Variants in UNC13C observed in about 807,000 individuals in gnomAD.
UNC13C encodes the protein protein unc-13 homolog C.
In UNC13C, 174 loss-of-function variants were observed where a neutral mutation model predicts 245.4. The ratio of observed to expected loss-of-function variants is 0.71; its 90% CI spans 0.63 to 0.80. The LOEUF (loss-of-function observed/expected upper bound fraction) is 0.80. UNC13C is among the 30% of genes least tolerant of loss of function. UNC13C has a pLI of 0.00. For missense variants in UNC13C, 2,829 were observed against 2,602.9 expected (o/e 1.09, Z -1.89); for synonymous variants, 992 against 895.1 (o/e 1.11, Z -1.93).
intron 10 of UNC13C, among the ~76,000 whole-genome samples, chr15:54,292,981 G>A (rs2037339750): frequency 6.7e-6 from 1 of 149,378 alleles, no homozygotes; most frequent in Admixed American, 6.7e-5. Flanking sequence ...TATATAATAT[G>A]TATATTCTCC....
chr15:54,273,516 T>C (rs1228674297), intron 10 of UNC13C, among the ~76,000 whole-genome samples: 5 of 152,172 alleles, frequency 3.3e-5, no homozygotes, highest in African/African-American at 1.2e-4. Context: ...GAAACCTATT[T>C]GGGTTTTTCA....
chr15:54,605,262 G>T (rs1000320503), intron 30 of UNC13C, among the ~76,000 whole-genome samples: 6 of 152,142 alleles, frequency 3.9e-5, no homozygotes, highest in African/African-American at 1.4e-4. Context: ...AGTTCTAAGA[G>T]GGGCCACAGT....
At chr15:53,976,477 CTTTTT>C (rs10682648), upstream of UNC13C, among the ~76,000 whole-genome samples, 1 of 63,024 alleles carries the variant, frequency 1.6e-5, no homozygotes, top group Non-Finnish European at 2.8e-5. Flanking sequence ...CTCTCTCTCT[CTTTTT>C]TTTTTTTTTT....
At chr15:53,932,311 T>A in the UNC13C span, among the ~76,000 whole-genome samples, 53,544 of 100,932 alleles carry the variant, frequency 0.53, 9,550 homozygotes, top group Non-Finnish European at 0.55. Context: ...ATCTCAAAAA[T>A]CAAAACAACA....
At chr15:54,102,607 C>G (rs564686744) in intron 2 of UNC13C, among the ~76,000 whole-genome samples, 1 of 152,258 alleles carries the variant, frequency 6.6e-6, no homozygotes, top group East Asian at 1.9e-4. Context: ...TAGTAAATAC[C>G]TTTTCTGTAT....
chr15:53,872,763 T>C, the UNC13C span, among the ~76,000 whole-genome samples: 2 of 152,162 alleles, frequency 1.3e-5, no homozygotes, highest in African/African-American at 4.8e-5. Flanking sequence ...AATTCAAGAT[T>C]CTTACAATCT....
chr15:53,853,036 A>G, the UNC13C span, among the ~76,000 whole-genome samples: 1 of 151,902 alleles, frequency 6.6e-6, no homozygotes, highest in Non-Finnish European at 1.5e-5. Context: ...TATTTTAAGT[A>G]CAATGGTACA....
In UNC13C at chr15:54,292,884, T is replaced by C. The variant is rs2037334194; in HGVS notation, c.3819-1011T>C. On this transcript the variant is annotated intron_variant, in intron 10 of 32. Coordinates refer to ENST00000260323, the MANE Select transcript of UNC13C (RefSeq NM_001080534.3). ...TATATTATAAAATATGTTTTATACA[T>C]ATATCTATATTAATTATAGATAATA... Among the ~76,000 whole-genome samples, 3 of 148,478 alleles carry C rather than the reference T, an allele frequency of 2.0e-5. No individual in the cohort carries two copies. The Admixed American group carries it at 2.0e-4, about 10-fold the overall frequency.
chr15:53,843,204 C>G, the UNC13C span, among the ~76,000 whole-genome samples: 1 of 151,944 alleles, frequency 6.6e-6, no homozygotes, highest in Admixed American at 6.6e-5. Context: ...TTTGGGAGGC[C>G]GAGACAGGCA....
At chr15:54,565,590 G>T (rs1272637395) in intron 29 of UNC13C, among the ~76,000 whole-genome samples, 1 of 151,992 alleles carries the variant, frequency 6.6e-6, no homozygotes, top group Admixed American at 6.6e-5. Context: ...CAATTAGTGA[G>T]AGAACCAGGT....
chr15:53,994,582 A>G (rs549031916), intron 1 of UNC13C, among the ~76,000 whole-genome samples: 70 of 152,180 alleles, frequency 4.6e-4, no homozygotes, highest in African/African-American at 1.5e-3. Flanking sequence ...GTAAGCATCT[A>G]TGTTCTAGTC....
intron 19 of UNC13C, among the ~76,000 whole-genome samples, chr15:54,468,409 C>T (rs1168223529): frequency 1.3e-5 from 2 of 151,632 alleles, no homozygotes; most frequent in Non-Finnish European, 3.0e-5. Flanking sequence ...CATGGGTTGT[C>T]TCTTCACTTT....
chr15:54,206,625 G>T (rs555168021), intron 4 of UNC13C, among the ~76,000 whole-genome samples: 1 of 152,182 alleles, frequency 6.6e-6, no homozygotes, highest in Admixed American at 6.6e-5. Flanking sequence ...CTAGGATCAG[G>T]TGAAGGAAAT....
At chr15:53,993,091 T>C (rs1455678141) in intron 1 of UNC13C, among the ~76,000 whole-genome samples, 1 of 152,062 alleles carries the variant, frequency 6.6e-6, no homozygotes, top group East Asian at 1.9e-4. Context: ...AGATAAAATA[T>C]CTTATCTGGA....
At chr15:54,004,663 C>A (rs1366940778) in intron 1 of UNC13C, among the ~76,000 whole-genome samples, 1 of 152,228 alleles carries the variant, frequency 6.6e-6, no homozygotes, top group African/African-American at 2.4e-5. Context: ...AACATCCTCA[C>A]CAGCATTTGT....
At chr15:54,264,138 T>C (rs1356188248) in intron 8 of UNC13C, 30 bp from the exon 9 acceptor site, 7 of 1,547,840 alleles carry the variant, frequency 4.5e-6, no homozygotes, top group Non-Finnish European at 5.3e-6. Flanking sequence ...GGCATTTCCA[T>C]TCACATCACC....
At chr15:54,020,292 T>G (rs2141002436) in intron 2 of UNC13C, among the ~76,000 whole-genome samples, 1 of 150,560 alleles carries the variant, frequency 6.6e-6, no homozygotes, top group Middle Eastern at 3.4e-3. Flanking sequence ...TTTTTTTTTT[T>G]GAGATGAAGT....
chr15:54,028,139 G>A (rs1896195457), intron 2 of UNC13C, among the ~76,000 whole-genome samples: 1 of 152,136 alleles, frequency 6.6e-6, no homozygotes, highest in Non-Finnish European at 1.5e-5. Flanking sequence ...TGTTGGCTGG[G>A]ATCTATGTCA....
chr15:54,129,203 G>T (rs2141210691), intron 2 of UNC13C, among the ~76,000 whole-genome samples: 1 of 152,276 alleles, frequency 6.6e-6, no homozygotes, highest in African/African-American at 2.4e-5. Flanking sequence ...ATTTTACATT[G>T]TTAAAGCACG....
Sources: gnomAD v4.1 joint callset for allele counts (sites outside exome capture counted in the v4.1 genomes callset) on GRCh38, gnomAD v4.1.1 for gene constraint, MANE v1.5 for transcripts, NCBI Gene and HGNC (gene_info 2026-07-23, HGNC 2026-07-21) for gene names.